Variants in UBE2E1 observed in about 807,000 individuals in gnomAD.
UBE2E1 encodes the protein ubiquitin conjugating enzyme E2 E1, also known as ubiquitin-conjugating enzyme E2 E1.
In UBE2E1, 6 loss-of-function variants were observed where a neutral mutation model predicts 21.4. The ratio of observed to expected loss-of-function variants is 0.28; its 90% CI spans 0.15 to 0.55. The LOEUF is 0.55. UBE2E1 is among the 20% of genes least tolerant of loss of function. The pLI is 0.93. For synonymous variants in UBE2E1, 87 were observed against 82.7 expected, an observed-to-expected ratio of 1.05 and a Z score of -0.28; for missense variants, 142 against 236.5, an observed-to-expected ratio of 0.60 and a Z score of 2.62.
intron 3 of UBE2E1, among the ~76,000 whole-genome samples, chr3:23,859,413 T>C (rs925746731): frequency 2.0e-5 from 3 of 152,170 alleles, no homozygotes; most frequent in African/African-American, 7.2e-5. Context: ...GCCCCATGAC[T>C]CTCCATATTA....
chr3:23,851,926 C>G (rs781234830), intron 3 of UBE2E1, among the ~76,000 whole-genome samples: 42 of 152,242 alleles, frequency 2.8e-4, no homozygotes, highest in Non-Finnish European at 5.3e-4. Context: ...AGGGACAGAC[C>G]CTTCATGTAT....
At chr3:23,843,075 G>GC (rs1700128572) in intron 3 of UBE2E1, among the ~76,000 whole-genome samples, 1 of 142,298 alleles carries the variant, frequency 7.0e-6, no homozygotes, top group Admixed American at 7.1e-5. Flanking sequence ...TTGGCTTAAA[G>GC]CTTTTTTTTT....
rs986251262 is a variant in UBE2E1, at chr3:23,870,520, C to T, written c.204-17047C>T. On this transcript the variant is annotated intron_variant, in intron 3 of 5. Transcript: ENST00000306627. This position sits in a 1 kb window ranked among gnomAD's most constrained non-coding sequence, Gnocchi z 4.2. Reference sequence around the variant, plus strand: ...GCAGATAGGGGTAGCTAGAACTTGGCCACAGCACACCAGAATCCTAAGGGA... The same window carrying T: ...GCAGATAGGGGTAGCTAGAACTTGGTCACAGCACACCAGAATCCTAAGGGA... Among the ~76,000 whole-genome samples the T allele has an allele frequency of 2.6e-5, 4 of 152,136 alleles. No homozygotes were observed. The highest frequency in any genetic ancestry group is 1.3e-4 in the Admixed American group (2 of 15,270).
At position 23,836,603 on chromosome 3, in the gene UBE2E1, G is replaced by A. The variant is rs1461259748; in HGVS notation, c.203+25093G>A. Among the ~76,000 whole-genome samples the A allele has an allele frequency of 1.3e-5, 2 of 152,178 alleles. No homozygotes were observed. The highest frequency in any genetic ancestry group is 4.8e-5 in the African/African-American group (2 of 41,430). On this transcript the variant is annotated intron_variant, in intron 3 of 5. Transcript: ENST00000306627. This position sits in a 1 kb window ranked among gnomAD's most constrained non-coding sequence, Gnocchi z 4.1. ...TCTTGGAAGTTTTAGAGCTGAAAGG[G>A]AACTTAGATCTAGTTCAGTTCCTCA...
Position 23,807,341 on chromosome 3 carries a change from A to G in UBE2E1, c.72A>G (p.Lys24=). 2 of 1,614,016 alleles carry G rather than the reference A, an allele frequency of 1.2e-6. No homozygotes were observed. Among genetic ancestry groups the G allele is most frequent in the Non-Finnish European group, 8.5e-7 (1 of 1,179,966 alleles). Residue 24 remains lysine, a synonymous_variant, in exon 2 of 6, where the codon AAA becomes AAG. Coordinates refer to ENST00000306627, the MANE Select transcript of UBE2E1 (RefSeq NM_003341.5). ...SSSSSNQQTE[K]ETNTPKKKES... ...CGTCTTCCAACCAGCAAACCGAGAAAGAAACAAACACCCCCAAGAAGAAGG... is the reference window on the plus strand; with the variant it reads ...CGTCTTCCAACCAGCAAACCGAGAAGGAAACAAACACCCCCAAGAAGAAGG...
intron 3 of UBE2E1, among the ~76,000 whole-genome samples, chr3:23,844,153 G>T: frequency 6.6e-6 from 1 of 152,098 alleles, no homozygotes; most frequent in East Asian, 1.9e-4. Flanking sequence ...CCTAGTGTTT[G>T]TGAGCCCTCC....
intron 3 of UBE2E1, among the ~76,000 whole-genome samples, chr3:23,835,426 C>A (rs976438643): frequency 6.6e-6 from 1 of 151,988 alleles, no homozygotes; most frequent in Non-Finnish European, 1.5e-5. Context: ...AGGATCATGC[C>A]AGTACACTCC....
rs1032883626 is a variant in UBE2E1 at position 23,842,441 on chromosome 3, C to T, written c.203+30931C>T. Among the ~76,000 whole-genome samples, 2 of 152,132 alleles carry T rather than the reference C, an allele frequency of 1.3e-5. No homozygotes were observed. The highest frequency in any genetic ancestry group is 4.8e-5 in the African/African-American group (2 of 41,494). ...TTCTATTTTTTTGTGGAGACGGAGT[C>T]GTGCCATGTTGCCCGGCCTGTTGTT... On this transcript the variant is annotated intron_variant, in intron 3 of 5. Transcript: ENST00000306627. The surrounding 1 kb of genome is among the most constrained non-coding windows in gnomAD (Gnocchi z 4.6).
rs1028902333 is a variant in UBE2E1 at position 23,810,652 on chromosome 3, C to T, written c.153-808C>T. The T allele has an allele frequency of 3.3e-6, 3 of 918,280 alleles. No individual in the cohort carries two copies. The highest frequency in any genetic ancestry group is 3.1e-6 in the Non-Finnish European group (2 of 645,216). The allele number at this position is 918,280 out of a possible 1,614,324, so 56.9% of individuals were successfully genotyped here. The stretch of plus-strand genomic sequence containing the variant: ...TGCCCGAGTGGCGGGCGGGGGTGTT[C>T]GCGCCCTGCTTTCGCGCGCGGTCTC... On this transcript the variant is annotated intron_variant, in intron 2 of 5. Transcript: ENST00000306627. The surrounding 1 kb of genome is among the most constrained non-coding windows in gnomAD (Gnocchi z 5.8).
intron 3 of UBE2E1, among the ~76,000 whole-genome samples, chr3:23,855,601 G>T (rs1459897121): frequency 6.6e-6 from 1 of 152,096 alleles, no homozygotes; most frequent in African/African-American, 2.4e-5. Context: ...AGGCCGAGGT[G>T]GGCGGATCAC....
intron 3 of UBE2E1, among the ~76,000 whole-genome samples, chr3:23,848,170 C>T (rs916736873): frequency 6.6e-6 from 1 of 152,108 alleles, no homozygotes; most frequent in Non-Finnish European, 1.5e-5. Flanking sequence ...TAAGGAAAAA[C>T]GTATATTAAA....
At chr3:23,884,557 C>T (rs2125329036) in intron 3 of UBE2E1, among the ~76,000 whole-genome samples, 1 of 152,196 alleles carries the variant, frequency 6.6e-6, no homozygotes, top group Middle Eastern at 3.4e-3. Context: ...CTGTACAATC[C>T]ATAAATCTGC....
chr3:23,807,973 A>C (rs1430062959), intron 2 of UBE2E1: 1 of 152,238 alleles, frequency 6.6e-6, no homozygotes, highest in Non-Finnish European at 1.5e-5. Flanking sequence ...CTGAGAGTTG[A>C]GGCAAATGAA....
intron 3 of UBE2E1, among the ~76,000 whole-genome samples, chr3:23,873,858 CTT>C (rs767229105): frequency 6.6e-6 from 1 of 152,288 alleles, no homozygotes; most frequent in East Asian, 1.9e-4. Flanking sequence ...AGTTGGAACA[CTT>C]TTGAAAGCAA....
intron 3 of UBE2E1, among the ~76,000 whole-genome samples, chr3:23,858,126 G>T (rs1700478969): frequency 6.6e-6 from 1 of 152,178 alleles, no homozygotes; most frequent in Non-Finnish European, 1.5e-5. Context: ...TCCCTGCGAA[G>T]GCTCTATGGC....
intron 3 of UBE2E1, among the ~76,000 whole-genome samples, chr3:23,832,089 C>T (rs1189545559): frequency 6.6e-6 from 1 of 152,226 alleles, no homozygotes; most frequent in African/African-American, 2.4e-5. Context: ...ATACTTTAAG[C>T]TCTGTGAGCA....
rs544757449 is a variant in UBE2E1, at chr3:23,810,647, G to A, written c.153-813G>A. The A allele has an allele frequency of 1.3e-3, 1,218 of 966,288 alleles. 12 individuals carry two copies. In the African/African-American group the frequency reaches 0.018, roughly 14 times the overall value. The allele number at this position is 966,288 out of a possible 1,614,324, so 59.9% of individuals were successfully genotyped here. A position where few individuals can be genotyped will look rare whatever the true frequency, so the allele number is the denominator to read the frequency against. ...TGTGGTGCCCGAGTGGCGGGCGGGG[G>A]TGTTCGCGCCCTGCTTTCGCGCGCG... On this transcript the variant is annotated intron_variant, in intron 2 of 5. Coordinates refer to ENST00000306627, the MANE Select transcript of UBE2E1 (RefSeq NM_003341.5). This position sits in a 1 kb window ranked among gnomAD's most constrained non-coding sequence, Gnocchi z 5.8.
intron 3 of UBE2E1, among the ~76,000 whole-genome samples, chr3:23,871,537 G>A (rs1449622134): frequency 1.3e-5 from 2 of 150,990 alleles, no homozygotes; most frequent in South Asian, 2.1e-4. Flanking sequence ...CCTCTCGGAC[G>A]GGGTGGCTGC....
At chr3:23,857,768 A>G (rs1035678806) in intron 3 of UBE2E1, among the ~76,000 whole-genome samples, 1 of 152,214 alleles carries the variant, frequency 6.6e-6, no homozygotes, top group East Asian at 1.9e-4. Context: ...AATGGTTCCC[A>G]GCGTGTGCTC....
Sources: gnomAD v4.1 joint callset for allele counts (sites outside exome capture counted in the v4.1 genomes callset) on GRCh38, gnomAD v4.1.1 for gene constraint, Gnocchi (gnomAD v3.1) non-coding constraint, MANE v1.5 for transcripts, NCBI Gene and HGNC (gene_info 2026-07-23, HGNC 2026-07-21) for gene names.